DDX10: variants seen among roughly 807,000 people sequenced by gnomAD.
DDX10 encodes DEAD-box helicase 10, also known as probable ATP-dependent RNA helicase DDX10.
A neutral mutation model predicts 104.3 loss-of-function variants in DDX10; 74 were observed. The ratio of observed to expected loss-of-function variants is 0.71; its 90% CI spans 0.59 to 0.86. DDX10 has a LOEUF of 0.86. Among genes scored for constraint, DDX10 ranks in the 40% least tolerant of loss-of-function variants. DDX10 has a pLI of 0.00. For missense variants in DDX10, 952 were observed against 1,040.0 expected, an observed-to-expected ratio of 0.92 and a Z score of 1.16; for synonymous variants, 351 against 353.4, an observed-to-expected ratio of 0.99 and a Z score of 0.08.
intron 17 of DDX10, chr11:108,919,528 G>T (rs1863796819): frequency 6.6e-6 from 1 of 152,060 alleles, no homozygotes; most frequent in Non-Finnish European, 1.5e-5. Flanking sequence ...TGGTTTATGG[G>T]GTCTGTATTT....
chr11:108,854,767 T>C (rs1396890438), intron 16 of DDX10, among the ~76,000 whole-genome samples: 6 of 152,140 alleles, frequency 3.9e-5, no homozygotes, highest in Admixed American at 3.9e-4. Context: ...TGAATGAAGT[T>C]TCATGGAATT....
At chr11:108,905,138 A>G (rs1863573075) in intron 16 of DDX10, among the ~76,000 whole-genome samples, 1 of 152,040 alleles carries the variant, frequency 6.6e-6, no homozygotes. Flanking sequence ...TATTTTTCAT[A>G]TTGTTTCAGG....
chr11:108,875,290 G>T (rs1863137651), intron 16 of DDX10, among the ~76,000 whole-genome samples: 1 of 152,138 alleles, frequency 6.6e-6, no homozygotes, highest in Admixed American at 6.6e-5. Context: ...TAGACTTGTT[G>T]TATCTTAGCT....
chr11:108,875,275 T>A (rs970436725), intron 16 of DDX10, among the ~76,000 whole-genome samples: 5 of 152,188 alleles, frequency 3.3e-5, no homozygotes, highest in African/African-American at 9.6e-5. Context: ...ATGTATTTTT[T>A]AAATTAGACT....
intron 13 of DDX10, among the ~76,000 whole-genome samples, chr11:108,749,915 C>T (rs2094336363): frequency 6.6e-6 from 1 of 152,032 alleles, no homozygotes; most frequent in Non-Finnish European, 1.5e-5. Flanking sequence ...GTATGATGAG[C>T]AATACTATAA....
chr11:108,847,431 C>T (rs1188102468), intron 15 of DDX10, among the ~76,000 whole-genome samples: 1 of 152,130 alleles, frequency 6.6e-6, no homozygotes, highest in Admixed American at 6.5e-5. Flanking sequence ...CTTTCATTCC[C>T]TTGAAATTCG....
chr11:108,764,928 C>T (rs12785439), intron 13 of DDX10, among the ~76,000 whole-genome samples: 40,963 of 152,050 alleles, frequency 0.27, 5,778 homozygotes, highest in African/African-American at 0.36. Context: ...ATGAAAAAAC[C>T]TGTTCTTCAA....
At chr11:108,810,581 GT>G (rs1274232007) in intron 13 of DDX10, among the ~76,000 whole-genome samples, 1 of 152,090 alleles carries the variant, frequency 6.6e-6, no homozygotes, top group Non-Finnish European at 1.5e-5. Context: ...TACTGATTGG[GT>G]TCACATTTCT....
Position 108,719,821 on chromosome 11 carries a change from G to T in DDX10, c.1435G>T (p.Val479Leu), listed in dbSNP as rs753685411. ...QRCFVSYVRS[V>L]YLMKDKEVFD... ...GTGTTTCGTCTCCTATGTACGATCT[G>T]TATATCTGATGAAGGATAAAGAAGT... is the stretch of plus-strand genomic sequence containing the variant. Residue 479 changes from valine to leucine, a missense_variant, in exon 12 of 18, where the codon GTA becomes TTA. By Grantham distance (32) the Val-to-Leu change is conservative. Around this residue, in one of 3 missense-constraint regions of DDX10, gnomAD observed 533 missense variants for 534.1 expected, o/e 1.00. Coordinates refer to ENST00000322536, the MANE Select transcript of DDX10 (RefSeq NM_004398.4). The T allele has an allele frequency of 1.9e-6, 3 of 1,605,554 alleles. No individual in the cohort carries two copies. In the East Asian group the frequency reaches 6.7e-5, roughly 36 times the overall value.
chr11:108,867,952 C>T (rs756029630), intron 16 of DDX10, among the ~76,000 whole-genome samples: 1 of 152,056 alleles, frequency 6.6e-6, no homozygotes, highest in Non-Finnish European at 1.5e-5. Context: ...CTTCAGGCAG[C>T]CCTCCATATA....
chr11:108,779,999 C>T (rs1233386735), intron 13 of DDX10, among the ~76,000 whole-genome samples: 2 of 152,172 alleles, frequency 1.3e-5, no homozygotes, highest in Admixed American at 6.5e-5. Context: ...CCTATTTTAG[C>T]CTCATTTTCT....
chr11:108,897,909 A>G (rs1169549625), intron 16 of DDX10, among the ~76,000 whole-genome samples: 4 of 152,092 alleles, frequency 2.6e-5, no homozygotes, highest in African/African-American at 7.2e-5. Flanking sequence ...ACTCAATCCA[A>G]TAAGCCTCTT....
chr11:108,805,429 A>T (rs1374321223), intron 13 of DDX10, among the ~76,000 whole-genome samples: 1 of 152,258 alleles, frequency 6.6e-6, no homozygotes, highest in East Asian at 1.9e-4. Flanking sequence ...TTCTGGTTAG[A>T]ATAAAAGTCT....
chr11:108,917,664 C>T (rs1018488012), intron 16 of DDX10, among the ~76,000 whole-genome samples: 1 of 152,142 alleles, frequency 6.6e-6, no homozygotes, highest in South Asian at 2.1e-4. Flanking sequence ...GATTTGCTTT[C>T]TGAATCTTCT....
chr11:108,819,274 T>C (rs2134575766), intron 13 of DDX10, among the ~76,000 whole-genome samples: 1 of 152,310 alleles, frequency 6.6e-6, no homozygotes, highest in Non-Finnish European at 1.5e-5. Context: ...AGCTTTATTT[T>C]ACCTCTACTT....
chr11:108,871,129 G>A (rs1216433208), intron 16 of DDX10, among the ~76,000 whole-genome samples: 1 of 152,044 alleles, frequency 6.6e-6, no homozygotes, highest in Admixed American at 6.6e-5. Flanking sequence ...TTGTGTCCAA[G>A]TTCATATGTA....
At chr11:108,831,175 G>A (rs1024615712) in intron 13 of DDX10, among the ~76,000 whole-genome samples, 1 of 152,126 alleles carries the variant, frequency 6.6e-6, no homozygotes, top group Non-Finnish European at 1.5e-5. Context: ...GGAGTCTGAG[G>A]TGGGTGGATC....
At chr11:108,759,082 AT>A (rs2094347744) in intron 13 of DDX10, among the ~76,000 whole-genome samples, 1 of 152,056 alleles carries the variant, frequency 6.6e-6, no homozygotes, top group African/African-American at 2.4e-5. Flanking sequence ...TACAATCCAT[AT>A]GATCACTTCA....
intron 13 of DDX10, among the ~76,000 whole-genome samples, chr11:108,810,576 A>G (rs1565285956): frequency 6.6e-6 from 1 of 152,104 alleles, no homozygotes; most frequent in Admixed American, 6.6e-5. Context: ...CAACCTACTG[A>G]TTGGGTTCAC....
Sources: gnomAD v4.1 joint callset for allele counts (sites outside exome capture counted in the v4.1 genomes callset) on GRCh38, gnomAD v4.1.1 for gene constraint, gnomAD v4.1.1 regional missense constraint, MANE v1.5 for transcripts, NCBI Gene and HGNC (gene_info 2026-07-23, HGNC 2026-07-21) for gene names.